Variants in RGS7 observed in about 807,000 individuals in gnomAD.
RGS7 encodes regulator of G protein signaling 7, also known as regulator of G-protein signaling 7.
A neutral mutation model predicts 81.1 loss-of-function variants in RGS7; 27 were observed. The observed-to-expected ratio is 0.33, with a 90% CI of 0.25 to 0.46. The LOEUF (loss-of-function observed/expected upper bound fraction) is 0.46, where lower values mean the gene tolerates loss of function less well. RGS7 is among the 20% of genes least tolerant of loss of function. The pLI is 1.00. For missense variants in RGS7, 396 were observed against 607.4 expected (o/e 0.65, Z 3.66); for synonymous variants, 208 against 207.7 (o/e 1.00, Z -0.01).
intron 2 of RGS7, among the ~76,000 whole-genome samples, chr1:241,310,226 T>C (rs2080425214): frequency 6.6e-6 from 1 of 152,186 alleles, no homozygotes; most frequent in African/African-American, 2.4e-5. Flanking sequence ...TCTTTCTCTT[T>C]ATGAAAAAAA....
At chr1:241,225,774 A>C (rs2075280707) in intron 2 of RGS7, among the ~76,000 whole-genome samples, 1 of 152,212 alleles carries the variant, frequency 6.6e-6, no homozygotes, top group Non-Finnish European at 1.5e-5. Flanking sequence ...TGTTAGGTAC[A>C]GTTATCAACA....
At chr1:240,784,604 C>T (rs1167878401) in intron 18 of RGS7, among the ~76,000 whole-genome samples, 1 of 151,760 alleles carries the variant, frequency 6.6e-6, no homozygotes, top group Non-Finnish European at 1.5e-5. Flanking sequence ...CAAGATTGCT[C>T]CACTGCGCTC....
chr1:241,316,086 G>A (rs919813181), intron 2 of RGS7, among the ~76,000 whole-genome samples: 3 of 152,058 alleles, frequency 2.0e-5, no homozygotes, highest in African/African-American at 4.8e-5. Context: ...CACTCATTGC[G>A]GGGGGTTCTT....
intron 2 of RGS7, among the ~76,000 whole-genome samples, chr1:241,110,834 G>A (rs771261831): frequency 5.9e-5 from 9 of 151,406 alleles, no homozygotes; most frequent in East Asian, 1.9e-4. Context: ...ACAAGTGCCC[G>A]CCATCATGCC....
intron 6 of RGS7, among the ~76,000 whole-genome samples, chr1:240,906,689 A>C (rs1670871389): frequency 6.6e-6 from 1 of 152,214 alleles, no homozygotes; most frequent in Non-Finnish European, 1.5e-5. Context: ...CAGCTGGCCA[A>C]AGCTTTGCAA....
At chr1:241,210,285 G>A (rs2074171763) in intron 2 of RGS7, among the ~76,000 whole-genome samples, 1 of 152,126 alleles carries the variant, frequency 6.6e-6, no homozygotes, top group Admixed American at 6.5e-5. Context: ...GACTAGCTGG[G>A]CTTACAGGCT....
rs565463014 is a variant in RGS7 at position 241,276,360 on chromosome 1, C to T, written c.78+79339G>A. On this transcript the variant is annotated intron_variant, in intron 2 of 18. Transcript: ENST00000440928. ...TCTTGCCATTAGTATATTTAGCTCT[C>T]GATAAAGCCTGAGAGGTTAATATGA... Among the ~76,000 whole-genome samples the T allele has an allele frequency of 9.9e-5, 15 of 152,240 alleles. No homozygotes were observed. The South Asian group carries it at 1.7e-3, about 17-fold the overall frequency.
At chr1:241,299,185 A>G (rs775538813) in intron 2 of RGS7, among the ~76,000 whole-genome samples, 1 of 152,222 alleles carries the variant, frequency 6.6e-6, no homozygotes. Context: ...AGGGCTAACG[A>G]ATCTGAGCCA....
chr1:241,064,826 A>G (rs1045711937), intron 3 of RGS7, among the ~76,000 whole-genome samples: 1 of 152,102 alleles, frequency 6.6e-6, no homozygotes, highest in Non-Finnish European at 1.5e-5. Context: ...TGCCATATCC[A>G]TCCCTGTCAT....
At chr1:241,128,642 A>C (rs2066861048) in intron 2 of RGS7, among the ~76,000 whole-genome samples, 1 of 152,078 alleles carries the variant, frequency 6.6e-6, no homozygotes, top group South Asian at 2.1e-4. Flanking sequence ...CAAAAATATA[A>C]ATTACACAGT....
chr1:241,139,294 C>T (rs79282432), intron 2 of RGS7, among the ~76,000 whole-genome samples: 5,928 of 145,504 alleles, frequency 0.041, 388 homozygotes, highest in African/African-American at 0.15. Context: ...TTCCTTCCTT[C>T]TTTCCTTCCT....
chr1:240,920,045 AG>A, intron 6 of RGS7: 1 of 1,093,330 alleles, frequency 9.1e-7, no homozygotes, highest in East Asian at 2.3e-5. Context: ...GAAAAATTGA[AG>A]GGATTGAAAT....
intron 3 of RGS7, among the ~76,000 whole-genome samples, chr1:241,089,347 A>T (rs2063722185): frequency 6.6e-6 from 1 of 151,618 alleles, no homozygotes; most frequent in Admixed American, 6.6e-5. Context: ...ACCAAAAAAC[A>T]TACCATTTTG....
At chr1:240,938,699 C>T (rs1382839798) in intron 4 of RGS7, among the ~76,000 whole-genome samples, 2 of 152,094 alleles carry the variant, frequency 1.3e-5, no homozygotes, top group African/African-American at 4.8e-5. Flanking sequence ...TCATTCTTTG[C>T]CCTGGCTTTG....
intron 3 of RGS7, among the ~76,000 whole-genome samples, chr1:241,049,695 TAAG>T (rs971023299): frequency 2.0e-5 from 3 of 152,206 alleles, no homozygotes; most frequent in Non-Finnish European, 4.4e-5. Context: ...GATCTTCCTG[TAAG>T]AAGTTCTTGC....
At chr1:241,186,019 G>A (rs1019016201) in intron 2 of RGS7, among the ~76,000 whole-genome samples, 1 of 152,108 alleles carries the variant, frequency 6.6e-6, no homozygotes, top group East Asian at 1.9e-4. Context: ...CAAAACCAAC[G>A]GGAAAATCAA....
chr1:241,138,720 T>C (rs1009524343), intron 2 of RGS7, among the ~76,000 whole-genome samples: 1 of 152,268 alleles, frequency 6.6e-6, no homozygotes, highest in Non-Finnish European at 1.5e-5. Flanking sequence ...TTAGAAGTTC[T>C]CTTCAAAAAT....
At chr1:241,224,235 T>A (rs2075182176) in intron 2 of RGS7, among the ~76,000 whole-genome samples, 1 of 144,852 alleles carries the variant, frequency 6.9e-6, no homozygotes, top group Non-Finnish European at 1.5e-5. Context: ...TCCAATGCTA[T>A]CCCACCTCCC....
At chr1:241,125,646 C>T (rs1248694492) in intron 2 of RGS7, among the ~76,000 whole-genome samples, 2 of 152,158 alleles carry the variant, frequency 1.3e-5, no homozygotes, top group Non-Finnish European at 2.9e-5. Context: ...AAAAAACACT[C>T]TCTTTTTCTA....
Sources: gnomAD v4.1 joint callset for allele counts (sites outside exome capture counted in the v4.1 genomes callset) on GRCh38, gnomAD v4.1.1 for gene constraint, MANE v1.5 for transcripts, NCBI Gene and HGNC (gene_info 2026-07-23, HGNC 2026-07-21) for gene names.